Variants in ARHGAP15 observed in about 807,000 individuals in gnomAD.
ARHGAP15 encodes the protein rho GTPase-activating protein 15.
Under a neutral mutation model 63.7 loss-of-function variants are expected in ARHGAP15, and 51 were observed. That is an observed-to-expected ratio of 0.80 (90% CI 0.64 to 1.01). ARHGAP15 has a LOEUF of 1.01. Among genes scored for constraint, ARHGAP15 ranks in the 50% least tolerant of loss-of-function variants. The pLI is 0.00. For missense variants in ARHGAP15, 560 were observed against 564.6 expected, an observed-to-expected ratio of 0.99 and a Z score of 0.08; for synonymous variants, 191 against 193.8, an observed-to-expected ratio of 0.99 and a Z score of 0.12.
intron 6 of ARHGAP15, among the ~76,000 whole-genome samples, chr2:143,354,478 A>G (rs1685720028): frequency 1.3e-5 from 2 of 152,070 alleles, no homozygotes; most frequent in Non-Finnish European, 2.9e-5. Flanking sequence ...CTAGAAACGG[A>G]AGGCACCAGT....
At chr2:143,220,825 C>T (rs141515540) in intron 4 of ARHGAP15, among the ~76,000 whole-genome samples, 77 of 152,028 alleles carry the variant, frequency 5.1e-4, no homozygotes, top group African/African-American at 1.8e-3. Context: ...AATTAATAAG[C>T]AATATTAATA....
intron 1 of ARHGAP15, 92 bp from the exon 2 acceptor site, chr2:143,155,385 A>T: frequency 1.7e-6 from 2 of 1,185,270 alleles, no homozygotes; most frequent in Non-Finnish European, 2.3e-6. Flanking sequence ...ATCAACTTTT[A>T]ATATCCTAAT....
chr2:143,290,581 A>G (rs1411748754), intron 6 of ARHGAP15, among the ~76,000 whole-genome samples: 1 of 152,162 alleles, frequency 6.6e-6, no homozygotes, highest in Non-Finnish European at 1.5e-5. Context: ...CTTTTTTTTA[A>G]CATTACACAT....
At chr2:143,640,586 T>C (rs1438425131) in intron 12 of ARHGAP15, among the ~76,000 whole-genome samples, 1 of 152,114 alleles carries the variant, frequency 6.6e-6, no homozygotes, top group Non-Finnish European at 1.5e-5. Flanking sequence ...AATCAAGTCT[T>C]TTGACCAGGC....
intron 5 of ARHGAP15, among the ~76,000 whole-genome samples, chr2:143,240,168 T>C (rs1693812923): frequency 6.6e-6 from 1 of 151,478 alleles, no homozygotes; most frequent in Non-Finnish European, 1.5e-5. Context: ...AGAATGAGAC[T>C]CTGTCTCTAA....
chr2:143,221,165 A>C (rs891570705), intron 4 of ARHGAP15, among the ~76,000 whole-genome samples: 2 of 152,006 alleles, frequency 1.3e-5, no homozygotes, highest in Admixed American at 1.3e-4. Context: ...ATTTCTATCA[A>C]GTTTTCTACT....
At chr2:143,307,698 CT>C (rs1481643748) in intron 6 of ARHGAP15, among the ~76,000 whole-genome samples, 1 of 152,104 alleles carries the variant, frequency 6.6e-6, no homozygotes, top group Admixed American at 6.6e-5. Flanking sequence ...CAAATACCTA[CT>C]GTTTGGAGTC....
intron 8 of ARHGAP15, among the ~76,000 whole-genome samples, chr2:143,444,255 A>G (rs1690030467): frequency 6.6e-6 from 1 of 152,194 alleles, no homozygotes; most frequent in African/African-American, 2.4e-5. Context: ...CTCTCAAGCA[A>G]TATTTTATTG....
In ARHGAP15 at chr2:143,586,331, T is replaced by C. The variant is rs552831967; in HGVS notation, c.1003+29846T>C. Among the ~76,000 whole-genome samples, 3 of 152,284 alleles carry C rather than the reference T, an allele frequency of 2.0e-5. No homozygotes were observed. In the South Asian group the frequency reaches 6.2e-4, roughly 32 times the overall value. ...TCCTTCTGTATTTTCAAAACTTTTC[T>C]TCTATTACATCTTTAATTTTTTTTT... On this transcript the variant is annotated intron_variant, in intron 11 of 13. Transcript: ENST00000295095.
intron 6 of ARHGAP15, among the ~76,000 whole-genome samples, chr2:143,390,883 AG>A (rs1687511133): frequency 6.6e-6 from 1 of 152,134 alleles, no homozygotes; most frequent in Admixed American, 6.6e-5. Context: ...TTTCTGCCAA[AG>A]TTCCTTGTTA....
At chr2:143,208,113 C>A (rs1485124720) in intron 3 of ARHGAP15, among the ~76,000 whole-genome samples, 2 of 152,130 alleles carry the variant, frequency 1.3e-5, no homozygotes, top group South Asian at 4.1e-4. Context: ...TAATGACATT[C>A]TTTCCTTTGG....
At chr2:143,288,411 C>T (rs910267405) in intron 6 of ARHGAP15, among the ~76,000 whole-genome samples, 32 of 152,138 alleles carry the variant, frequency 2.1e-4, no homozygotes, top group Non-Finnish European at 4.6e-4. Flanking sequence ...AATTTTAAAA[C>T]ATGTAATTCT....
At chr2:143,760,444 C>T (rs1391520176) in intron 13 of ARHGAP15, among the ~76,000 whole-genome samples, 2 of 152,100 alleles carry the variant, frequency 1.3e-5, no homozygotes, top group South Asian at 2.1e-4. Context: ...CCTTACAGAA[C>T]ATATATTCTA....
intron 6 of ARHGAP15, among the ~76,000 whole-genome samples, chr2:143,256,007 C>T (rs1430155341): frequency 2.0e-5 from 3 of 152,058 alleles, no homozygotes; most frequent in African/African-American, 4.8e-5. Context: ...GATGTGTGTT[C>T]CAATTTGGGC....
intron 6 of ARHGAP15, among the ~76,000 whole-genome samples, chr2:143,298,763 ATAT>A (rs893677617): frequency 2.0e-5 from 3 of 151,988 alleles, no homozygotes; most frequent in Non-Finnish European, 4.4e-5. Flanking sequence ...AATAATTTAC[ATAT>A]TATAAATTAT....
At chr2:143,337,907 A>G (rs1181145293) in intron 6 of ARHGAP15, among the ~76,000 whole-genome samples, 14 of 152,132 alleles carry the variant, frequency 9.2e-5, no homozygotes, top group Admixed American at 9.2e-4. Flanking sequence ...TTAAATCCCC[A>G]AGGTTTTCTT....
chr2:143,684,379 T>G (rs148747312), intron 12 of ARHGAP15, among the ~76,000 whole-genome samples: 1 of 152,274 alleles, frequency 6.6e-6, no homozygotes, highest in East Asian at 1.9e-4. Context: ...TTTTTGGGGT[T>G]TTAGTGGTTC....
chr2:143,390,252 CAG>C (rs1477568484), intron 6 of ARHGAP15, among the ~76,000 whole-genome samples: 1 of 152,112 alleles, frequency 6.6e-6, no homozygotes, highest in Non-Finnish European at 1.5e-5. Context: ...TGGCTGGTTG[CAG>C]CCTCAGATTA....
At chr2:143,266,901 G>A (rs977765577) in intron 6 of ARHGAP15, among the ~76,000 whole-genome samples, 3 of 152,126 alleles carry the variant, frequency 2.0e-5, no homozygotes, top group Non-Finnish European at 2.9e-5. Context: ...GCTAAACTAT[G>A]CTTTGAGAAC....
Sources: gnomAD v4.1 joint callset for allele counts (sites outside exome capture counted in the v4.1 genomes callset) on GRCh38, gnomAD v4.1.1 for gene constraint, MANE v1.5 for transcripts, NCBI Gene and HGNC (gene_info 2026-07-23, HGNC 2026-07-21) for gene names.